The following CNTN4 variants were observed in gnomAD, a reference collection of about 807,000 sequenced individuals.
CNTN4 encodes the protein contactin-4.
CNTN4 carries 77 observed loss-of-function variants against 122.5 expected under a neutral mutation model. The ratio of observed to expected loss-of-function variants is 0.63; its 90% CI spans 0.52 to 0.76. The LOEUF is 0.76. Among genes scored for constraint, CNTN4 ranks in the 30% least tolerant of loss-of-function variants. The pLI is 0.00. For synonymous variants in CNTN4, 512 were observed against 447.0 expected (o/e 1.15, Z -1.83); for missense variants, 1,256 against 1,259.1 (o/e 1.00, Z 0.04).
intron 4 of CNTN4, among the ~76,000 whole-genome samples, chr3:2,649,848 G>A (rs1842219): frequency 6.6e-6 from 1 of 151,798 alleles, no homozygotes; most frequent in Non-Finnish European, 1.5e-5. Context: ...AAAATTTGTG[G>A]CTGGGCACGG....
chr3:2,112,049 T>A (rs1187450828), intron 2 of CNTN4, among the ~76,000 whole-genome samples: 4 of 152,162 alleles, frequency 2.6e-5, no homozygotes, highest in Non-Finnish European at 2.9e-5. Flanking sequence ...TGTTGTTTTA[T>A]GGTTGACTAT....
At chr3:2,542,180 T>C (rs1033492034) in intron 3 of CNTN4, among the ~76,000 whole-genome samples, 1 of 152,114 alleles carries the variant, frequency 6.6e-6, no homozygotes, top group Non-Finnish European at 1.5e-5. Flanking sequence ...CTCTTCTTGA[T>C]AAGATCAGCA....
rs559704619 is a variant in CNTN4 at position 2,590,871 on chromosome 3, TA to T, written c.55+19323del. 1.5e-3 allele frequency among the ~76,000 whole-genome samples: 222 copies of T among 147,658 alleles called. 1 individual carries two copies. The highest frequency in any genetic ancestry group is 1.7e-3 in the Non-Finnish European group (114 of 66,560). On this transcript the variant is annotated intron_variant, in intron 4 of 24. Coordinates refer to ENST00000418658, the MANE Select transcript of CNTN4 (RefSeq NM_175607.3). ...CTGTATCATTTGTTTTCTCTTTTAT[TA>T]AAAAAAAAAGCTGTATTGAAGTATA...
At chr3:2,328,939 C>T (rs1443533404) in intron 2 of CNTN4, among the ~76,000 whole-genome samples, 1 of 152,082 alleles carries the variant, frequency 6.6e-6, no homozygotes, top group African/African-American at 2.4e-5. Flanking sequence ...AACATAGCTG[C>T]TTACCATCTC....
chr3:2,958,880 A>G (rs1397702526), intron 13 of CNTN4, among the ~76,000 whole-genome samples: 1 of 152,210 alleles, frequency 6.6e-6, no homozygotes, highest in Non-Finnish European at 1.5e-5. Context: ...GGATCCCTTT[A>G]TAACTCCAGA....
At chr3:2,140,847 C>G (rs1057261995) in intron 2 of CNTN4, among the ~76,000 whole-genome samples, 8 of 152,296 alleles carry the variant, frequency 5.3e-5, no homozygotes, top group African/African-American at 1.7e-4. Context: ...ATCTCTACTT[C>G]TGTATGTCCA....
intron 3 of CNTN4, among the ~76,000 whole-genome samples, chr3:2,521,343 T>TCC (rs5846190): frequency 4.7e-5 from 6 of 128,310 alleles, no homozygotes; most frequent in Non-Finnish European, 4.8e-5. Context: ...CCTCTACCCA[T>TCC]CCCCCCCACC....
At chr3:2,723,747 A>G (rs2088017227) in intron 4 of CNTN4, among the ~76,000 whole-genome samples, 1 of 152,228 alleles carries the variant, frequency 6.6e-6, no homozygotes. Context: ...CATTCAAACC[A>G]TAGTGCTCAG....
chr3:2,331,923 T>C lies in CNTN4; in HGVS notation c.-144-7255T>C, dbSNP rs558842524. Among the ~76,000 whole-genome samples, 6 of 152,266 alleles carry C rather than the reference T, an allele frequency of 3.9e-5. No homozygotes were observed. The East Asian group carries it at 1.2e-3, about 29-fold the overall frequency. On this transcript the variant is annotated intron_variant, in intron 2 of 24. Transcript: ENST00000418658. ...GGAGTTATCTTGTCTAGCCCACTGC[T>C]ACTGGGCTGTTTGTAAGGCGATTCT...
At chr3:2,146,604 C>G (rs972160635) in intron 2 of CNTN4, among the ~76,000 whole-genome samples, 1 of 152,112 alleles carries the variant, frequency 6.6e-6, no homozygotes, top group African/African-American at 2.4e-5. Context: ...CTGGTCATGA[C>G]TCACAGTATT....
chr3:2,605,937 G>A (rs1326001279), intron 4 of CNTN4, among the ~76,000 whole-genome samples: 1 of 152,206 alleles, frequency 6.6e-6, no homozygotes, highest in Non-Finnish European at 1.5e-5. Context: ...TCAAGGGGAT[G>A]TGAATGATGT....
At chr3:2,536,842 C>T (rs1269198115) in intron 3 of CNTN4, among the ~76,000 whole-genome samples, 2 of 152,130 alleles carry the variant, frequency 1.3e-5, no homozygotes, top group South Asian at 2.1e-4. Flanking sequence ...TGTTGTAGAA[C>T]ATTACGTTGA....
intron 4 of CNTN4, among the ~76,000 whole-genome samples, chr3:2,596,021 A>G (rs1010688762): frequency 1.3e-5 from 2 of 152,228 alleles, no homozygotes; most frequent in African/African-American, 4.8e-5. Flanking sequence ...AGATGACATC[A>G]TTCTCAAAGT....
chr3:2,306,168 A>G (rs1168598535), intron 2 of CNTN4, among the ~76,000 whole-genome samples: 2 of 152,290 alleles, frequency 1.3e-5, no homozygotes, highest in South Asian at 4.1e-4. Flanking sequence ...GCTGGGTCAT[A>G]TGGTAAAGCT....
At chr3:2,849,391 C>T (rs1432527561) in intron 7 of CNTN4, among the ~76,000 whole-genome samples, 2 of 152,158 alleles carry the variant, frequency 1.3e-5, no homozygotes, top group Non-Finnish European at 2.9e-5. Flanking sequence ...TGTGCACTTA[C>T]AAATGATTAA....
intron 6 of CNTN4, among the ~76,000 whole-genome samples, chr3:2,766,731 C>T (rs2090878506): frequency 6.6e-6 from 1 of 151,982 alleles, no homozygotes; most frequent in South Asian, 2.1e-4. Context: ...CCCTGTTCCC[C>T]CAAATCCTAT....
intron 4 of CNTN4, among the ~76,000 whole-genome samples, chr3:2,705,848 A>G (rs1227003250): frequency 3.9e-5 from 4 of 101,450 alleles, no homozygotes; most frequent in Middle Eastern, 0.01. Flanking sequence ...TATATAATAT[A>G]TAATATATGT....
intron 18 of CNTN4, 169 bp downstream of exon 18, chr3:3,037,497 A>G: frequency 2.3e-6 from 2 of 885,300 alleles, no homozygotes; most frequent in African/African-American, 3.3e-5. Flanking sequence ...CCAGCTGAAC[A>G]CGCAACGGGT....
chr3:2,566,375 A>G (rs1227062717), intron 3 of CNTN4, among the ~76,000 whole-genome samples: 1 of 152,206 alleles, frequency 6.6e-6, no homozygotes, highest in East Asian at 1.9e-4. Flanking sequence ...CTAATTTTAT[A>G]GAGGATGATG....
Sources: gnomAD v4.1 joint callset for allele counts (sites outside exome capture counted in the v4.1 genomes callset) on GRCh38, gnomAD v4.1.1 for gene constraint, MANE v1.5 for transcripts, NCBI Gene and HGNC (gene_info 2026-07-23, HGNC 2026-07-21) for gene names.